The following COPG2 variants were observed in gnomAD, a reference collection of about 807,000 sequenced individuals.
COPG2 encodes the protein coat protein complex I subunit gamma 2.
In COPG2, 37 loss-of-function variants were observed where a neutral mutation model predicts 46.3. That is an observed-to-expected ratio of 0.80 (90% CI 0.61 to 1.05). The LOEUF (loss-of-function observed/expected upper bound fraction) is 1.05. COPG2 is among the 50% of genes least tolerant of loss of function. The pLI, the probability that COPG2 is intolerant of heterozygous loss-of-function variation, is 0.00. For missense variants in COPG2, 427 were observed against 387.8 expected (o/e 1.10, Z -0.85); for synonymous variants, 159 against 129.7 (o/e 1.23, Z -1.53).
chr7:130,602,763 A>C (rs1794661296), intron 9 of COPG2: 1 of 152,052 alleles, frequency 6.6e-6, no homozygotes, highest in Non-Finnish European at 1.5e-5. Context: ...ATGAGCCACC[A>C]CACCCGGCCA....
intron 20 of COPG2, chr7:130,510,841 G>A: frequency 2.0e-6 from 1 of 498,378 alleles, no homozygotes; most frequent in Non-Finnish European, 4.0e-6. Context: ...GGGCGAGGAG[G>A]CAAGATGCGG....
chr7:130,612,529 A>T (rs1157664098), intron 7 of COPG2, among the ~76,000 whole-genome samples: 1 of 152,172 alleles, frequency 6.6e-6, no homozygotes, highest in Non-Finnish European at 1.5e-5. Context: ...ACGGTGCTTA[A>T]ATAACGTTAT....
intron 12 of COPG2, among the ~76,000 whole-genome samples, chr7:130,559,426 A>C (rs1793682252): frequency 6.6e-6 from 1 of 152,178 alleles, no homozygotes; most frequent in African/African-American, 2.4e-5. Context: ...AGGCCCAAGG[A>C]TAGCCCTCTA....
At chr7:130,573,709 AAC>A (rs1554445813) in intron 9 of COPG2, among the ~76,000 whole-genome samples, 1 of 152,106 alleles carries the variant, frequency 6.6e-6, no homozygotes, top group African/African-American at 2.4e-5. Flanking sequence ...GACAAAATCT[AAC>A]ACCCATGCGT....
intron 20 of COPG2, among the ~76,000 whole-genome samples, chr7:130,515,980 C>T (rs1799674806): frequency 1.3e-5 from 2 of 152,154 alleles, no homozygotes; most frequent in East Asian, 3.9e-4. Context: ...CTGTGGATCT[C>T]AGATCCAGTG....
chr7:130,630,203 A>C (rs540427220), intron 5 of COPG2, among the ~76,000 whole-genome samples: 1 of 151,998 alleles, frequency 6.6e-6, no homozygotes, highest in Admixed American at 6.6e-5. Context: ...GAGCCACCGC[A>C]CCCGGCCCCT....
Position 130,506,606 on chromosome 7 carries a change from A to T in COPG2, c.*70T>A. On this transcript the variant is annotated 3_prime_UTR_variant, in exon 24 of 24. Transcript: ENST00000425248. ...ATCTTCAAAAGTCTGATTCTGGGAA[A>T]CTGATGCCACTAGCCTAAAAGCCCA... 1 of 584,130 alleles carries T rather than the reference A, an allele frequency of 1.7e-6. No homozygotes were observed. Among genetic ancestry groups the T allele is most frequent in the Non-Finnish European group, 3.1e-6 (1 of 318,854 alleles). The allele number at this position is 584,130 out of a possible 1,614,324, so 36.2% of individuals were successfully genotyped here.
chr7:130,587,982 G>A (rs184002328), intron 9 of COPG2, among the ~76,000 whole-genome samples: 112 of 151,798 alleles, frequency 7.4e-4, no homozygotes, highest in African/African-American at 2.6e-3. Flanking sequence ...AAAAGTGGGC[G>A]AAGTATATGA....
intron 9 of COPG2, among the ~76,000 whole-genome samples, chr7:130,600,985 T>C (rs1794623160): frequency 1.3e-5 from 2 of 152,204 alleles, no homozygotes; most frequent in South Asian, 2.1e-4. Flanking sequence ...GCAACTTCCA[T>C]ATCAGGCTCA....
intron 20 of COPG2, among the ~76,000 whole-genome samples, chr7:130,512,020 G>C (rs1467882831): frequency 4.3e-5 from 6 of 138,888 alleles, no homozygotes; most frequent in Non-Finnish European, 9.1e-5. Context: ...TTCAAGACTA[G>C]CCTGGCCAAC....
intron 9 of COPG2, among the ~76,000 whole-genome samples, chr7:130,586,386 G>A (rs1174395239): frequency 6.6e-6 from 1 of 152,044 alleles, no homozygotes; most frequent in African/African-American, 2.4e-5. Flanking sequence ...GGTGATGGGT[G>A]CACCAACATC....
chr7:130,523,252 G>A lies in COPG2; in HGVS notation c.2150-14593C>T, dbSNP rs918836062. 1.7e-3 allele frequency among the ~76,000 whole-genome samples: 259 copies of A among 152,080 alleles called. 1 individual carries two copies. Among genetic ancestry groups the A allele is most frequent in the Non-Finnish European group, 2.3e-3 (154 of 67,974 alleles). On this transcript the variant is annotated intron_variant, in intron 20 of 23. Coordinates refer to ENST00000425248, the MANE Select transcript of COPG2 (RefSeq NM_012133.6). The stretch of plus-strand genomic sequence containing the variant: ...CTGAGGTGGGGGGTGGGTTTCACCC[G>A]AGGGAGGGCTGGGGGCATGGACCCC...
intron 9 of COPG2, among the ~76,000 whole-genome samples, chr7:130,584,084 T>C (rs1384143904): frequency 6.6e-6 from 1 of 151,882 alleles, no homozygotes; most frequent in East Asian, 1.9e-4. Flanking sequence ...GCTAACTGAA[T>C]CCAACAATAT....
At chr7:130,614,754 T>C (rs1794917482) in intron 6 of COPG2, among the ~76,000 whole-genome samples, 1 of 152,186 alleles carries the variant, frequency 6.6e-6, no homozygotes, top group African/African-American at 2.4e-5. Flanking sequence ...AAACCCTGTT[T>C]CTACTAAAAA....
intron 5 of COPG2, among the ~76,000 whole-genome samples, chr7:130,627,161 TA>T (rs1795134378): frequency 6.6e-6 from 1 of 152,218 alleles, no homozygotes. Context: ...TTTCCTATAG[TA>T]AATGCTCTTA....
At chr7:130,564,180 T>C (rs1163779062) in intron 10 of COPG2, 80 bp downstream of exon 10, 3 of 398,348 alleles carry the variant, frequency 7.5e-6, no homozygotes, top group African/African-American at 6.2e-5. Flanking sequence ...AAAACATTCT[T>C]AATACCTATT....
chr7:130,545,468 T>C (rs1793425188), intron 20 of COPG2, among the ~76,000 whole-genome samples: 1 of 152,172 alleles, frequency 6.6e-6, no homozygotes, highest in African/African-American at 2.4e-5. Flanking sequence ...ATATCTGTGA[T>C]GGGAAAATGC....
intron 5 of COPG2, among the ~76,000 whole-genome samples, chr7:130,637,833 A>G (rs990867499): frequency 2.0e-5 from 3 of 152,064 alleles, no homozygotes; most frequent in African/African-American, 7.2e-5. Flanking sequence ...GCCTTTTTGC[A>G]CTGGTTTTTC....
chr7:130,620,779 G>A (rs1795026325), intron 5 of COPG2, among the ~76,000 whole-genome samples: 1 of 152,142 alleles, frequency 6.6e-6, no homozygotes, highest in African/African-American at 2.4e-5. Flanking sequence ...TTTTAGACCT[G>A]AGTTAATGCA....
Sources: gnomAD v4.1 joint callset for allele counts (sites outside exome capture counted in the v4.1 genomes callset) on GRCh38, gnomAD v4.1.1 for gene constraint, MANE v1.5 for transcripts, NCBI Gene and HGNC (gene_info 2026-07-23, HGNC 2026-07-21) for gene names.